The following ATG7 variants were observed in gnomAD, a reference collection of about 807,000 sequenced individuals.
ATG7 encodes ubiquitin-like modifier-activating enzyme ATG7.
Under a neutral mutation model 82.4 loss-of-function variants are expected in ATG7, and 70 were observed. The observed-to-expected ratio is 0.85, with a 90% confidence interval of 0.70 to 1.04. The LOEUF is 1.04. ATG7 is among the 50% of genes least tolerant of loss of function. The probability of loss-of-function intolerance (pLI) is 0.00; values close to 1 mark genes in which losing one functional copy is unlikely to be tolerated. For missense variants in ATG7, 792 were observed against 864.3 expected (o/e 0.92, Z 1.05); for synonymous variants, 287 against 313.0 (o/e 0.92, Z 0.88).
chr3:11,511,074 G>A (rs1397289613), intron 20 of ATG7, among the ~76,000 whole-genome samples: 1 of 152,210 alleles, frequency 6.6e-6, no homozygotes, highest in Admixed American at 6.5e-5. Context: ...TTCGCGGTGA[G>A]TGTTACAGCT....
At chr3:11,390,427 ATAT>A (rs527331521) in intron 19 of ATG7, among the ~76,000 whole-genome samples, 203 of 152,324 alleles carry the variant, frequency 1.3e-3, no homozygotes, top group Non-Finnish European at 2.2e-3. Flanking sequence ...ATTTTTGATA[ATAT>A]TCCAATAGGC....
intron 19 of ATG7, among the ~76,000 whole-genome samples, chr3:11,386,110 T>C (rs1327524676): frequency 6.6e-6 from 1 of 152,196 alleles, no homozygotes; most frequent in African/African-American, 2.4e-5. Context: ...GTCCTGGCTC[T>C]GCATCCCTTG....
chr3:11,562,626 G>C (rs1328322032), downstream of ATG7, among the ~76,000 whole-genome samples: 1 of 152,236 alleles, frequency 6.6e-6, no homozygotes, highest in Non-Finnish European at 1.5e-5. Flanking sequence ...GCCCAGCTCG[G>C]ATTGGTGTGC....
chr3:11,562,941 CG>C, the ATG7 span, among the ~76,000 whole-genome samples: 1 of 152,204 alleles, frequency 6.6e-6, no homozygotes, highest in Non-Finnish European at 1.5e-5. Context: ...GCCCTTGCCA[CG>C]TGTGCCGTGG....
chr3:11,305,681 T>A (rs1947606127), intron 5 of ATG7, among the ~76,000 whole-genome samples: 2 of 152,206 alleles, frequency 1.3e-5, no homozygotes, highest in Admixed American at 1.3e-4. Flanking sequence ...AAACAACTTG[T>A]GATTTGCTGA....
intron 20 of ATG7, among the ~76,000 whole-genome samples, chr3:11,522,717 G>A (rs2443703): frequency 0.14 from 20,574 of 152,282 alleles, 1,742 homozygotes; most frequent in Middle Eastern, 0.2. Context: ...TCATATGACT[G>A]TGAACAGTAA....
intron 9 of ATG7, among the ~76,000 whole-genome samples, chr3:11,318,777 C>T (rs775744301): frequency 1.5e-4 from 23 of 152,248 alleles, no homozygotes; most frequent in African/African-American, 4.1e-4. Flanking sequence ...CTCCAAATGC[C>T]GCAGCTTCCC....
intron 9 of ATG7, among the ~76,000 whole-genome samples, chr3:11,322,734 T>C (rs901447487): frequency 6.6e-6 from 1 of 152,244 alleles, no homozygotes. Context: ...TTTTCCTCTT[T>C]TTCCTCTCCT....
chr3:11,396,753 G>T (rs138020281), intron 19 of ATG7, among the ~76,000 whole-genome samples: 2,120 of 148,054 alleles, frequency 0.014, 51 homozygotes, highest in African/African-American at 0.05. Context: ...CCGCACTCCA[G>T]CCTGGGCTAC....
chr3:11,491,542 G>C (rs563277260), intron 20 of ATG7, among the ~76,000 whole-genome samples: 12 of 152,288 alleles, frequency 7.9e-5, no homozygotes, highest in African/African-American at 2.9e-4. Flanking sequence ...GAGGAGGAGA[G>C]GCGCTCTGCT....
At chr3:11,451,739 T>C (rs560867340) in intron 20 of ATG7, among the ~76,000 whole-genome samples, 156 of 148,834 alleles carry the variant, frequency 1.0e-3, no homozygotes, top group Non-Finnish European at 1.7e-3. Flanking sequence ...AGCATAAGAA[T>C]TGGCAACCAT....
intron 5 of ATG7, among the ~76,000 whole-genome samples, chr3:11,303,766 T>C (rs1947213581): frequency 6.6e-6 from 1 of 150,940 alleles, no homozygotes; most frequent in South Asian, 2.1e-4. Flanking sequence ...GGAATATTTG[T>C]CTTTATTCAT....
chr3:11,462,846 TTTATTTA>T (rs1559676155), intron 20 of ATG7, among the ~76,000 whole-genome samples: 72 of 3,602 alleles, frequency 0.02, 1 homozygote, highest in East Asian at 0.077. Context: ...GATATTTTTA[TTTATTTA>T]TTTATTTATT....
At chr3:11,530,539 C>T (rs2092675376) in intron 20 of ATG7, among the ~76,000 whole-genome samples, 1 of 152,152 alleles carries the variant, frequency 6.6e-6, no homozygotes, top group South Asian at 2.1e-4. Flanking sequence ...CAATTCTTTC[C>T]AGTCGGCACC....
intron 20 of ATG7, among the ~76,000 whole-genome samples, chr3:11,478,989 AACACACACACACAC>A (rs71628717): frequency 2.7e-4 from 20 of 73,138 alleles, no homozygotes; most frequent in Middle Eastern, 5.6e-3. Context: ...GTATATTTAC[AACACACACACACAC>A]ACACACACAC....
At chr3:11,293,651 T>A (rs1439212187) in intron 3 of ATG7, among the ~76,000 whole-genome samples, 1 of 151,634 alleles carries the variant, frequency 6.6e-6, no homozygotes, top group African/African-American at 2.4e-5. Flanking sequence ...AGTTTGAGAC[T>A]AGCCTGACCA....
At chr3:11,574,783 ATATGTGTGTGTGTG>A in the ATG7 span, among the ~76,000 whole-genome samples, 27 of 111,780 alleles carry the variant, frequency 2.4e-4, no homozygotes, top group African/African-American at 8.2e-4. Context: ...ATTCAACTAT[ATATGTGTGTGTGTG>A]TGTGTGTGTG....
chr3:11,430,902 G>A (rs2082812995), intron 20 of ATG7, among the ~76,000 whole-genome samples: 1 of 152,192 alleles, frequency 6.6e-6, no homozygotes, highest in Non-Finnish European at 1.5e-5. Flanking sequence ...AAAAATAAAA[G>A]TTGGATTTTG....
intron 20 of ATG7, among the ~76,000 whole-genome samples, chr3:11,540,647 A>AG (rs2125021134): frequency 6.6e-6 from 1 of 151,150 alleles, no homozygotes; most frequent in East Asian, 2.0e-4. Flanking sequence ...TCTCAAAAAA[A>AG]AAAAGTCTTA....
Sources: gnomAD v4.1 joint callset for allele counts (sites outside exome capture counted in the v4.1 genomes callset) on GRCh38, gnomAD v4.1.1 for gene constraint, MANE v1.5 for transcripts, NCBI Gene and HGNC (gene_info 2026-07-23, HGNC 2026-07-21) for gene names.